SPMIP2: variants seen among roughly 807,000 people sequenced by gnomAD.
The protein encoded by SPMIP2 is sperm microtubule inner protein 2, also known as protein SPMIP2.
the SPMIP2 span, among the ~76,000 whole-genome samples, chr4:158,921,268 G>A: frequency 2.2e-3 from 331 of 152,106 alleles, 2 homozygotes; most frequent in South Asian, 4.6e-3. Context: ...GTGAAACCCC[G>A]TCTCTACTAA....
chr4:158,980,747 G>A, the SPMIP2 span, among the ~76,000 whole-genome samples: 4 of 152,166 alleles, frequency 2.6e-5, no homozygotes, highest in Non-Finnish European at 4.4e-5. Flanking sequence ...CCACATAGAT[G>A]AGGAGAAACC....
At chr4:159,053,118 G>A in the SPMIP2 span, among the ~76,000 whole-genome samples, 2 of 149,422 alleles carry the variant, frequency 1.3e-5, no homozygotes, top group African/African-American at 4.9e-5. Context: ...CACTACGCCC[G>A]GCTAATTTTT....
chr4:158,981,265 A>G, the SPMIP2 span, among the ~76,000 whole-genome samples: 3 of 152,236 alleles, frequency 2.0e-5, no homozygotes, highest in African/African-American at 7.2e-5. Flanking sequence ...GAATGGAACC[A>G]AGTTGGAAAA....
chr4:158,936,287 T>A, the SPMIP2 span, among the ~76,000 whole-genome samples: 2 of 152,244 alleles, frequency 1.3e-5, no homozygotes, highest in Non-Finnish European at 2.9e-5. Flanking sequence ...TTGCCTAATA[T>A]AAACCGCAGA....
At chr4:158,920,132 T>C in the SPMIP2 span, among the ~76,000 whole-genome samples, 5 of 152,188 alleles carry the variant, frequency 3.3e-5, no homozygotes, top group Admixed American at 6.5e-5. Context: ...ATAATACTTT[T>C]ATAATTTCTT....
At chr4:159,071,706 G>T in the SPMIP2 span, among the ~76,000 whole-genome samples, 1 of 152,224 alleles carries the variant, frequency 6.6e-6, no homozygotes, top group Admixed American at 6.5e-5. Flanking sequence ...ATGAGGGAAA[G>T]AATTCTTTTT....
chr4:159,027,694 T>C, the SPMIP2 span, among the ~76,000 whole-genome samples: 4 of 152,214 alleles, frequency 2.6e-5, no homozygotes, highest in Non-Finnish European at 5.9e-5. Flanking sequence ...GTGAAGTCAT[T>C]TTCTATTTTT....
chr4:159,059,756 A>G, the SPMIP2 span, among the ~76,000 whole-genome samples: 3 of 152,212 alleles, frequency 2.0e-5, no homozygotes, highest in East Asian at 5.8e-4. Context: ...CAGGGAAAGA[A>G]GAGCATCAAA....
the SPMIP2 span, among the ~76,000 whole-genome samples, chr4:159,077,565 A>AT: frequency 6.6e-6 from 1 of 152,306 alleles, no homozygotes; most frequent in East Asian, 1.9e-4. Context: ...TACTCTCATT[A>AT]TTTAATAAGA....
At chr4:159,022,030 A>G in the SPMIP2 span, among the ~76,000 whole-genome samples, 1 of 152,182 alleles carries the variant, frequency 6.6e-6, no homozygotes, top group Non-Finnish European at 1.5e-5. Context: ...AGCCCACATG[A>G]TGAGCATGCC....
the SPMIP2 span, among the ~76,000 whole-genome samples, chr4:158,939,867 T>G: frequency 1.3e-5 from 2 of 152,058 alleles, no homozygotes; most frequent in African/African-American, 4.8e-5. Context: ...GGATCCTTTA[T>G]TCTATAAAAT....
At chr4:159,050,654 T>A in the SPMIP2 span, among the ~76,000 whole-genome samples, 1 of 151,764 alleles carries the variant, frequency 6.6e-6, no homozygotes, top group Admixed American at 6.6e-5. Context: ...CATAAAAAAT[T>A]AGCCATGGTG....
At chr4:158,935,778 A>C in the SPMIP2 span, among the ~76,000 whole-genome samples, 1 of 152,238 alleles carries the variant, frequency 6.6e-6, no homozygotes, top group Non-Finnish European at 1.5e-5. Flanking sequence ...CAGTGAGGAA[A>C]GGACTGGCTG....
chr4:159,004,551 A>G, the SPMIP2 span, among the ~76,000 whole-genome samples: 1 of 152,078 alleles, frequency 6.6e-6, no homozygotes, highest in Non-Finnish European at 1.5e-5. Flanking sequence ...TTGACCTCCC[A>G]AAGTGCTGGG....
the SPMIP2 span, among the ~76,000 whole-genome samples, chr4:159,045,486 G>C: frequency 1.6e-3 from 240 of 152,278 alleles, 1 homozygote; most frequent in African/African-American, 5.4e-3. Context: ...TGAAAGTGAA[G>C]GAGAAGAAAC....
the SPMIP2 span, among the ~76,000 whole-genome samples, chr4:158,998,466 T>C: frequency 6.6e-6 from 1 of 152,242 alleles, no homozygotes; most frequent in African/African-American, 2.4e-5. Flanking sequence ...AAGAACGTAC[T>C]TTTTATTTGT....
the SPMIP2 span, chr4:158,973,295 C>T: frequency 7.4e-6 from 12 of 1,611,276 alleles, no homozygotes; most frequent in Admixed American, 1.8e-4. Context: ...GTAAATAATC[C>T]TTTATGTAGT....
At chr4:158,945,714 C>T in the SPMIP2 span, among the ~76,000 whole-genome samples, 1 of 152,304 alleles carries the variant, frequency 6.6e-6, no homozygotes, top group East Asian at 1.9e-4. Flanking sequence ...CAATGAGAAG[C>T]TATATGCCGC....
chr4:159,012,672 A>G, the SPMIP2 span, among the ~76,000 whole-genome samples: 1 of 152,080 alleles, frequency 6.6e-6, no homozygotes, highest in Non-Finnish European at 1.5e-5. Flanking sequence ...CGTGGGCTCA[A>G]ATGATCCTCC....
Sources: allele counts gnomAD v4.1 joint callset (sites outside exome capture counted in the v4.1 genomes callset), GRCh38; gene constraint gnomAD v4.1.1; transcripts MANE v1.5; gene names NCBI Gene and HGNC (gene_info 2026-07-23, HGNC 2026-07-21).